The following PHACTR4 variants were observed in gnomAD, a reference collection of about 807,000 sequenced individuals.
The protein encoded by PHACTR4 is phosphatase and actin regulator 4.
In PHACTR4, 51 loss-of-function variants were observed where a neutral mutation model predicts 72.7. The ratio of observed to expected loss-of-function variants is 0.70; its 90% CI spans 0.56 to 0.89. The LOEUF (loss-of-function observed/expected upper bound fraction) is 0.89. Ranked by LOEUF, PHACTR4 falls within the 40% of genes least tolerant of loss-of-function variation. The probability of loss-of-function intolerance (pLI) is 0.00; values close to 1 mark genes in which losing one functional copy is unlikely to be tolerated. For synonymous variants in PHACTR4, 255 were observed against 302.5 expected (o/e 0.84, Z 1.63); for missense variants, 731 against 861.8 (o/e 0.85, Z 1.90).
chr1:28,421,456 A>T (rs917911046), intron 2 of PHACTR4, among the ~76,000 whole-genome samples: 1 of 152,090 alleles, frequency 6.6e-6, no homozygotes, highest in African/African-American at 2.4e-5. Context: ...GAGTAACATC[A>T]TATCAGATTG....
chr1:28,477,984 G>A (rs758738931), intron 8 of PHACTR4, among the ~76,000 whole-genome samples: 28 of 151,934 alleles, frequency 1.8e-4, no homozygotes, highest in Non-Finnish European at 3.4e-4. Context: ...CACCACGCCC[G>A]GCCTAGATCT....
At chr1:28,387,110 A>C (rs1652616281) in intron 1 of PHACTR4, among the ~76,000 whole-genome samples, 1 of 151,942 alleles carries the variant, frequency 6.6e-6, no homozygotes, top group African/African-American at 2.4e-5. Context: ...AAAATACAAA[A>C]ATTAGCTGGG....
At chr1:28,377,186 C>T (rs1651747561) in intron 1 of PHACTR4, among the ~76,000 whole-genome samples, 1 of 151,286 alleles carries the variant, frequency 6.6e-6, no homozygotes, top group African/African-American at 2.4e-5. Flanking sequence ...GATCCACCTA[C>T]CTTGGCCTCC....
In PHACTR4 at chr1:28,497,740, C is replaced by G. The variant is rs1052312021; in HGVS notation, c.*1191C>G. The G allele has an allele frequency of 6.0e-5, 9 of 149,324 alleles. No individual in the cohort carries two copies. The highest frequency in any genetic ancestry group is 6.0e-4 in the Admixed American group (9 of 15,016). 9.2% of individuals were successfully genotyped at this position (149,324 alleles called of 1,614,324 possible). On this transcript the variant is annotated 3_prime_UTR_variant, in exon 14 of 14. Transcript: ENST00000373839. ...AGATTCAGTGGCTCACGCCTGTAATCCCAACACTTTGGGAGGCTGAGGCGG... is the reference window on the plus strand; with the variant it reads ...AGATTCAGTGGCTCACGCCTGTAATGCCAACACTTTGGGAGGCTGAGGCGG...
intron 9 of PHACTR4, among the ~76,000 whole-genome samples, chr1:28,485,402 C>G (rs1039593278): frequency 1.3e-5 from 2 of 151,876 alleles, no homozygotes; most frequent in African/African-American, 2.4e-5. Flanking sequence ...GCCTGGCCAA[C>G]GTGATGAAAC....
In PHACTR4 at chr1:28,476,772, C is replaced by CTTTTTTTTTTTTTTTTTTTTTTTTTT. The variant is rs35369238; in HGVS notation, c.1606+496_1606+497insTTTTTTTTTTTTTTTTTTTTTTTTTT. ...GTCTCGTTAGGTTGCCTAGCCTGTT[C>CTTTTTTTTTTTTTTTTTTTTTTTTTT]TTTTTTTTTTTTTTTGAGACGGAGT... On this transcript the variant is annotated intron_variant, in intron 8 of 13. Transcript: ENST00000373839. Among the ~76,000 whole-genome samples the CTTTTTTTTTTTTTTTTTTTTTTTTTT allele has an allele frequency of 3.0e-5, 3 of 98,438 alleles. 1 individual carries two copies. Among genetic ancestry groups the CTTTTTTTTTTTTTTTTTTTTTTTTTT allele is most frequent in the Admixed American group, 1.0e-4 (1 of 10,000 alleles). 64.6% of individuals were successfully genotyped at this position (98,438 alleles called of 152,430 possible).
intron 6 of PHACTR4, 131 bp from the exon 7 acceptor site, chr1:28,473,423 T>C (rs950875022): frequency 7.2e-5 from 52 of 719,998 alleles, no homozygotes; most frequent in Non-Finnish European, 1.1e-4. Flanking sequence ...ATATAGGGAA[T>C]GGCAAAACTA....
intron 7 of PHACTR4, among the ~76,000 whole-genome samples, 175 bp downstream of exon 7, chr1:28,474,326 C>A (rs1267958799): frequency 1.3e-5 from 2 of 151,992 alleles, no homozygotes; most frequent in Non-Finnish European, 2.9e-5. Flanking sequence ...GAGTTCAAGA[C>A]CAGCCTGGCC....
intron 1 of PHACTR4, among the ~76,000 whole-genome samples, chr1:28,370,369 A>G (rs1007530621): frequency 2.0e-5 from 3 of 152,160 alleles, no homozygotes; most frequent in Non-Finnish European, 4.4e-5. Context: ...GCTTCAGGGC[A>G]CGAAACTCCC....
At chr1:28,444,344 C>T (rs1657276943) in intron 2 of PHACTR4, among the ~76,000 whole-genome samples, 1 of 149,324 alleles carries the variant, frequency 6.7e-6, no homozygotes, top group African/African-American at 2.4e-5. Context: ...GTTCTCCTGC[C>T]CCAGCCTCCC....
rs1553194313 is a variant in PHACTR4, at chr1:28,444,243, T to TTTTTC, written c.17-14841_17-14840insTTTCT. 5.1e-5 allele frequency among the ~76,000 whole-genome samples: 5 copies of TTTTTC among 97,376 alleles called. 1 individual carries two copies. The highest frequency in any genetic ancestry group is 2.9e-4 in the South Asian group (1 of 3,402). 63.9% of individuals were successfully genotyped at this position (97,376 alleles called of 152,430 possible). On this transcript the variant is annotated intron_variant, in intron 2 of 13. Coordinates refer to ENST00000373839, the MANE Select transcript of PHACTR4 (RefSeq NM_001048183.3). ...TTTTTTTTTTTTTTTTTTTTTTTTT[T>TTTTTC]TGAGACAGAGTCTTGCTCTGTCGCC...
intron 1 of PHACTR4, among the ~76,000 whole-genome samples, chr1:28,404,750 C>T (rs1330845395): frequency 1.3e-5 from 2 of 152,152 alleles, no homozygotes; most frequent in Non-Finnish European, 2.9e-5. Flanking sequence ...TTTCCTAATA[C>T]TTGTTATGTA....
intron 2 of PHACTR4, among the ~76,000 whole-genome samples, chr1:28,442,814 T>C (rs1657139809): frequency 6.6e-6 from 1 of 152,142 alleles, no homozygotes; most frequent in Admixed American, 6.6e-5. Context: ...CAAATTTTTT[T>C]TTTAATTGAA....
At chr1:28,460,522 C>A (rs1363812181) in intron 4 of PHACTR4, among the ~76,000 whole-genome samples, 1 of 151,904 alleles carries the variant, frequency 6.6e-6, no homozygotes, top group Admixed American at 6.6e-5. Flanking sequence ...TTTTTTCCCC[C>A]CCTTGAGACA....
chr1:28,448,022 A>G (rs1221990882), intron 2 of PHACTR4, among the ~76,000 whole-genome samples: 1 of 152,240 alleles, frequency 6.6e-6, no homozygotes, highest in Non-Finnish European at 1.5e-5. Context: ...GGCAAAAATG[A>G]ATAAGTACAG....
chr1:28,470,626 G>A (rs543947639), intron 6 of PHACTR4, among the ~76,000 whole-genome samples: 4 of 152,050 alleles, frequency 2.6e-5, no homozygotes, highest in Admixed American at 1.3e-4. Flanking sequence ...AGCCCAGGGA[G>A]GTCAAAATTG....
chr1:28,498,572 T>C lies in PHACTR4; in HGVS notation c.*2023T>C, dbSNP rs545914667. The C allele has an allele frequency of 6.6e-6, 1 of 152,184 alleles. No individual in the cohort carries two copies. Among genetic ancestry groups the C allele is most frequent in the Non-Finnish European group, 1.5e-5 (1 of 68,012 alleles). The allele number at this position is 152,184 out of a possible 1,614,324, so 9.4% of individuals were successfully genotyped here. A position where few individuals can be genotyped will look rare whatever the true frequency, so the allele number is the denominator to read the frequency against. ...CTTTAATTCCTATCCACACTATAAATGGAAGAAAAAAATTAATAGCTTCTG... is the reference window on the plus strand; with the variant it reads ...CTTTAATTCCTATCCACACTATAAACGGAAGAAAAAAATTAATAGCTTCTG... On this transcript the variant is annotated 3_prime_UTR_variant, in exon 14 of 14. Transcript: ENST00000373839.
At chr1:28,408,577 A>G (rs917465860) in intron 2 of PHACTR4, among the ~76,000 whole-genome samples, 6 of 152,122 alleles carry the variant, frequency 3.9e-5, no homozygotes, top group Non-Finnish European at 7.4e-5. Context: ...AGAAAAGAGA[A>G]AGATAACGTG....
chr1:28,372,084 C>T (rs935502156), intron 1 of PHACTR4, among the ~76,000 whole-genome samples: 17 of 149,846 alleles, frequency 1.1e-4, no homozygotes, highest in South Asian at 1.1e-3. Context: ...GGTGTTTCAC[C>T]GTGTTGGCCA....
Sources: gnomAD v4.1 joint callset for allele counts (sites outside exome capture counted in the v4.1 genomes callset) on GRCh38, gnomAD v4.1.1 for gene constraint, MANE v1.5 for transcripts, NCBI Gene and HGNC (gene_info 2026-07-23, HGNC 2026-07-21) for gene names.